Variants in PRR5L observed in about 807,000 individuals in gnomAD.
PRR5L encodes proline rich 5 like, also known as proline-rich protein 5-like.
PRR5L carries 21 observed loss-of-function variants against 36.4 expected under a neutral mutation model. The observed-to-expected ratio is 0.58, with a 90% CI of 0.41 to 0.83. The LOEUF (loss-of-function observed/expected upper bound fraction) is 0.83. Ranked by LOEUF, PRR5L falls within the 40% of genes least tolerant of loss-of-function variation. The probability of loss-of-function intolerance (pLI) is 0.00; values close to 1 mark genes in which losing one functional copy is unlikely to be tolerated. For missense variants in PRR5L, 381 were observed against 473.3 expected (o/e 0.80, Z 1.81); for synonymous variants, 188 against 197.0 (o/e 0.95, Z 0.38).
chr11:36,383,154 T>A (rs111764312), intron 1 of PRR5L, among the ~76,000 whole-genome samples: 492 of 152,330 alleles, frequency 3.2e-3, no homozygotes, highest in Non-Finnish European at 5.4e-3. Flanking sequence ...GGGGGCCAAG[T>A]GGGATAACAT....
At chr11:36,392,344 T>G (rs1201929413) in intron 1 of PRR5L, among the ~76,000 whole-genome samples, 2 of 152,084 alleles carry the variant, frequency 1.3e-5, no homozygotes, top group African/African-American at 4.8e-5. Context: ...GCAGTGAGAT[T>G]GCTGAATCAT....
chr11:36,344,345 G>A lies in PRR5L; in HGVS notation c.-126+47907G>A, dbSNP rs1856845256. Among the ~76,000 whole-genome samples the A allele has an allele frequency of 6.6e-6, 1 of 152,128 alleles. No individual in the cohort carries two copies. The highest frequency in any genetic ancestry group is 6.5e-5 in the Admixed American group (1 of 15,278). On this transcript the variant is annotated intron_variant, in intron 1 of 8. Coordinates refer to ENST00000530639, the MANE Select transcript of PRR5L (RefSeq NM_001160167.2). This position sits in a 1 kb window ranked among gnomAD's most constrained non-coding sequence, Gnocchi z 4.1. ...GTATTACTTCCAGACCTATTTCCATGCACATTTAGTTGAGATTGCACTGTA... is the reference window on the plus strand; with the variant it reads ...GTATTACTTCCAGACCTATTTCCATACACATTTAGTTGAGATTGCACTGTA...
chr11:36,375,631 T>C (rs1431139199), intron 1 of PRR5L, among the ~76,000 whole-genome samples: 1 of 152,192 alleles, frequency 6.6e-6, no homozygotes, highest in Non-Finnish European at 1.5e-5. Flanking sequence ...ATGATGCAGG[T>C]AGTGAGTCCT....
intron 3 of PRR5L, among the ~76,000 whole-genome samples, chr11:36,412,086 T>C (rs1213176121): frequency 6.6e-6 from 1 of 152,138 alleles, no homozygotes; most frequent in Non-Finnish European, 1.5e-5. Context: ...GTGAGGAAAC[T>C]GAAGTATGAA....
rs537917622 is a variant in PRR5L, at chr11:36,325,199, T to A, written c.-126+28761T>A. On this transcript the variant is annotated intron_variant, in intron 1 of 8. Coordinates refer to ENST00000530639, the MANE Select transcript of PRR5L (RefSeq NM_001160167.2). Reference sequence around the variant, plus strand: ...GAGAACCGTGGAACCCAGTGACAAGTGTTCAGCTCGATTACGACCAACCCG... The same window carrying A: ...GAGAACCGTGGAACCCAGTGACAAGAGTTCAGCTCGATTACGACCAACCCG... Among the ~76,000 whole-genome samples, 269 of 152,304 alleles carry A rather than the reference T, an allele frequency of 1.8e-3. 14 individuals are homozygous for A. In the South Asian group the frequency reaches 0.053, roughly 30 times the overall value.
intron 1 of PRR5L, among the ~76,000 whole-genome samples, chr11:36,364,339 G>A (rs143368587): frequency 2.0e-5 from 3 of 152,192 alleles, no homozygotes; most frequent in Admixed American, 6.6e-5. Flanking sequence ...TCTCTCGTGA[G>A]GTCTGTCATT....
In PRR5L at chr11:36,449,069, C is replaced by A. The variant is rs148885828; in HGVS notation, c.586-2140C>A. Among the ~76,000 whole-genome samples the A allele has an allele frequency of 2.1e-3, 318 of 152,298 alleles. 1 individual carries two copies. Among genetic ancestry groups the A allele is most frequent in the African/African-American group, 7.3e-3 (302 of 41,572 alleles). On this transcript the variant is annotated intron_variant, in intron 7 of 8. Coordinates refer to ENST00000530639, the MANE Select transcript of PRR5L (RefSeq NM_001160167.2). The stretch of plus-strand genomic sequence containing the variant: ...TGGCATCACTTCCCCTGAGGGCTTC[C>A]TGGGAATGTTGCCTTTGGCCCATGT...
intron 1 of PRR5L, among the ~76,000 whole-genome samples, chr11:36,379,071 G>T (rs538127736): frequency 6.6e-6 from 1 of 152,270 alleles, no homozygotes; most frequent in East Asian, 1.9e-4. Flanking sequence ...GGGGAAAAAA[G>T]CCCTAATCTT....
At chr11:36,301,957 T>C (rs1342681684) in intron 1 of PRR5L, among the ~76,000 whole-genome samples, 2 of 152,128 alleles carry the variant, frequency 1.3e-5, no homozygotes, top group Non-Finnish European at 2.9e-5. Flanking sequence ...TGTAATTTAC[T>C]TGGAAACAAA....
At chr11:36,367,490 T>G (rs1283685773) in intron 1 of PRR5L, among the ~76,000 whole-genome samples, 9 of 152,232 alleles carry the variant, frequency 5.9e-5, no homozygotes, top group Non-Finnish European at 1.3e-4. Flanking sequence ...AGACTCTCAC[T>G]GCCTTCAAAT....
intron 1 of PRR5L, among the ~76,000 whole-genome samples, chr11:36,368,083 C>A (rs915601370): frequency 6.6e-6 from 1 of 151,144 alleles, no homozygotes; most frequent in African/African-American, 2.4e-5. Flanking sequence ...TAAGTGGCTG[C>A]CGTAGATTGG....
At chr11:36,426,683 G>A (rs573770398) in intron 4 of PRR5L, among the ~76,000 whole-genome samples, 1 of 152,312 alleles carries the variant, frequency 6.6e-6, no homozygotes, top group East Asian at 1.9e-4. Flanking sequence ...GATAGGTTGT[G>A]GCGAAAGTAA....
intron 1 of PRR5L, among the ~76,000 whole-genome samples, chr11:36,356,891 A>C (rs1307255043): frequency 4.6e-5 from 7 of 152,182 alleles, no homozygotes; most frequent in Non-Finnish European, 8.8e-5. Flanking sequence ...GTTCAAGTGG[A>C]GGAAAGATCA....
At chr11:36,403,745 G>A (rs1857851163) in intron 3 of PRR5L, among the ~76,000 whole-genome samples, 2 of 152,128 alleles carry the variant, frequency 1.3e-5, no homozygotes, top group African/African-American at 4.8e-5. Context: ...GTTTTATTGT[G>A]TTCTTCCTTT....
In PRR5L at chr11:36,374,906, C is replaced by G. The variant is rs142498843; in HGVS notation, c.-125-26091C>G. Among the ~76,000 whole-genome samples, 248 of 152,270 alleles carry G rather than the reference C, an allele frequency of 1.6e-3. 1 individual carries two copies. Among genetic ancestry groups the G allele is most frequent in the African/African-American group, 5.2e-3 (216 of 41,570 alleles). On this transcript the variant is annotated intron_variant, in intron 1 of 8. Transcript: ENST00000530639. ...AGGCTTTGGCTCTTAATCCCTTAGACGAGCCTCTTTTAAGTCTCCTCCCTG... is the reference window on the plus strand; with the variant it reads ...AGGCTTTGGCTCTTAATCCCTTAGAGGAGCCTCTTTTAAGTCTCCTCCCTG...
intron 6 of PRR5L, among the ~76,000 whole-genome samples, chr11:36,439,046 C>T (rs1409320273): frequency 6.6e-6 from 1 of 152,158 alleles, no homozygotes. Flanking sequence ...TTTAACTGGG[C>T]ATCCCGTGTT....
At chr11:36,388,866 T>A (rs1857508694) in intron 1 of PRR5L, among the ~76,000 whole-genome samples, 1 of 151,984 alleles carries the variant, frequency 6.6e-6, no homozygotes, top group Admixed American at 6.6e-5. Context: ...GCCCGGCTGA[T>A]TTTTTTGTAT....
chr11:36,432,571 C>T (rs1267999521), intron 5 of PRR5L, among the ~76,000 whole-genome samples: 1 of 152,156 alleles, frequency 6.6e-6, no homozygotes, highest in Non-Finnish European at 1.5e-5. Flanking sequence ...CCACCTCCTT[C>T]TTGGGTGACT....
intron 1 of PRR5L, among the ~76,000 whole-genome samples, chr11:36,380,172 G>C (rs1228484046): frequency 6.6e-6 from 1 of 152,196 alleles, no homozygotes; most frequent in Admixed American, 6.5e-5. Context: ...GGAGGTGGGT[G>C]AACAATGAAG....
Sources: gnomAD v4.1 joint callset for allele counts (sites outside exome capture counted in the v4.1 genomes callset) on GRCh38, gnomAD v4.1.1 for gene constraint, Gnocchi (gnomAD v3.1) non-coding constraint, MANE v1.5 for transcripts, NCBI Gene and HGNC (gene_info 2026-07-23, HGNC 2026-07-21) for gene names.